The following GRK1 variants were observed in gnomAD, a reference collection of about 807,000 sequenced individuals.
GRK1 encodes G protein-coupled receptor kinase 1.
Under a neutral mutation model 41.7 loss-of-function variants are expected in GRK1, and 28 were observed. That is an observed-to-expected ratio of 0.67 (90% CI 0.50 to 0.92). GRK1 has a LOEUF of 0.92. Among genes scored for constraint, GRK1 ranks in the 40% least tolerant of loss-of-function variants. The probability of loss-of-function intolerance (pLI) is 0.00; values close to 1 mark genes in which losing one functional copy is unlikely to be tolerated. For synonymous variants in GRK1, 327 were observed against 286.7 expected, an observed-to-expected ratio of 1.14 and a Z score of -1.42; for missense variants, 703 against 671.2, an observed-to-expected ratio of 1.05 and a Z score of -0.52.
chr13:113,733,994 A>ATG (rs1314250137), intron 6 of GRK1, among the ~76,000 whole-genome samples: 1 of 81,000 alleles, frequency 1.2e-5, no homozygotes, highest in Non-Finnish European at 2.4e-5. Flanking sequence ...GTGTGCATAC[A>ATG]TGTGTGTGCG....
In GRK1 at chr13:113,669,690, G is replaced by T. The variant is rs1353524885; in HGVS notation, c.703G>T (p.Ala235Ser). Residue 235 changes from alanine to serine, a missense_variant, in exon 2 of 7, where the codon GCT becomes TCT. Ala to Ser is a moderately conservative substitution (Grantham distance 99, BLOSUM62 1). Coordinates refer to ENST00000335678, the MANE Select transcript of GRK1 (RefSeq NM_002929.3). ...RLKKRKGYQG[A>S]MVEKKILMKV... ...TACTCAGCGTCTCACTTTTCAGGGT[G>T]CTATGGTGGAGAAGAAGATTCTGAT... The T allele has an allele frequency of 6.2e-7, 1 of 1,614,002 alleles. No individual in the cohort carries two copies. The highest frequency in any genetic ancestry group is 1.7e-5 in the Admixed American group (1 of 60,034).
the GRK1 span, among the ~76,000 whole-genome samples, chr13:113,654,647 G>A: frequency 1.3e-5 from 2 of 152,256 alleles, no homozygotes; most frequent in Non-Finnish European, 2.9e-5. Context: ...GCCAGGGGCT[G>A]CCCTCGGGGG....
At chr13:113,654,823 G>A in the GRK1 span, 68 of 1,613,792 alleles carry the variant, frequency 4.2e-5, no homozygotes, top group Admixed American at 1.8e-4. Flanking sequence ...CCTGGTGACC[G>A]TAGCTGGTCT....
chr13:113,733,270 GGA>G (rs2049951059), intron 6 of GRK1, among the ~76,000 whole-genome samples, 185 bp downstream of exon 6: 2 of 152,242 alleles, frequency 1.3e-5, no homozygotes, highest in East Asian at 3.8e-4. Context: ...ACAAGCCGAT[GGA>G]GCCGGCATCG....
chr13:113,733,897 GTATGTGTGCATACAGTGTGCGTGTGTGCA>G (rs2049973848), intron 6 of GRK1, among the ~76,000 whole-genome samples: 2 of 115,552 alleles, frequency 1.7e-5, no homozygotes, highest in Middle Eastern at 6.0e-3. Flanking sequence ...GTGCGTGTGT[GTATGTGTGCATACAGTGTGCGTGTGTGCA>G]TGTGTGCATA....
chr13:113,668,644 T>C lies in GRK1; in HGVS notation c.699+559T>C, dbSNP rs991165902. ...GGCACGCAGGCCGCTCTAAGTTTCATCCGCTCTGCCCACTGGCGTCAGACT... is the reference window on the plus strand; with the variant it reads ...GGCACGCAGGCCGCTCTAAGTTTCACCCGCTCTGCCCACTGGCGTCAGACT... On this transcript the variant is annotated intron_variant, in intron 1 of 6. Coordinates refer to ENST00000335678, the MANE Select transcript of GRK1 (RefSeq NM_002929.3). 1.3e-5 allele frequency among the ~76,000 whole-genome samples: 2 copies of C among 152,196 alleles called. 1 individual carries two copies.
chr13:113,671,758 T>C lies in GRK1; in HGVS notation c.985+102T>C. 1.5e-6 allele frequency: 1 copy of C among 686,488 alleles called. No homozygotes were observed. The highest frequency in any genetic ancestry group is 2.7e-6 in the Non-Finnish European group (1 of 375,746). 42.5% of individuals were successfully genotyped at this position (686,488 alleles called of 1,614,324 possible). A position where few individuals can be genotyped will look rare whatever the true frequency, so the allele number is the denominator to read the frequency against. The stretch of plus-strand genomic sequence containing the variant: ...AACCTCACGAGGGCTGACGGCTGTG[T>C]GGACGGTGGGGGTTCATGAGGGCTG... On this transcript the variant is annotated intron_variant, in intron 3 of 6. Transcript: ENST00000335678. This position sits in a 1 kb window ranked among gnomAD's most constrained non-coding sequence, Gnocchi z 4.1.
Position 113,734,833 on chromosome 13 carries a change from G to A in GRK1, c.1397-235G>A, listed in dbSNP as rs1594583652. The A allele has an allele frequency of 2.2e-5, 9 of 407,664 alleles. No individual in the cohort carries two copies. The East Asian group carries it at 3.3e-4, about 15-fold the overall frequency. 25.3% of individuals were successfully genotyped at this position (407,664 alleles called of 1,614,324 possible). ...ACAAGAAGGCTCCAAAATGAGCCCT[G>A]GGATCTCAGGCTTCTTCCGGCCCCA... is the stretch of plus-strand genomic sequence containing the variant. On this transcript the variant is annotated intron_variant, in intron 6 of 6. Transcript: ENST00000335678.
rs1260414511 is a variant in GRK1, at chr13:113,733,683, G to A, written c.1396+598G>A. Among the ~76,000 whole-genome samples the A allele has an allele frequency of 8.5e-5, 12 of 141,814 alleles. 1 individual carries two copies. Among genetic ancestry groups the A allele is most frequent in the South Asian group, 2.3e-4 (1 of 4,386 alleles). The allele number at this position is 141,814 out of a possible 152,430, so 93.0% of individuals were successfully genotyped here. Reference sequence around the variant, plus strand: ...TGTGCGTGTGTGCACGTGTGTGCATGTATGTGTGCATACATGTGTGCGTGT... The same window carrying A: ...TGTGCGTGTGTGCACGTGTGTGCATATATGTGTGCATACATGTGTGCGTGT... On this transcript the variant is annotated intron_variant, in intron 6 of 6. Coordinates refer to ENST00000335678, the MANE Select transcript of GRK1 (RefSeq NM_002929.3).
the GRK1 span, chr13:113,654,748 T>C: frequency 8.5e-5 from 133 of 1,565,794 alleles, no homozygotes; most frequent in Non-Finnish European, 9.3e-5. Flanking sequence ...CCCGGGCGTC[T>C]CCAGAGCCGA....
chr13:113,733,121 G>T (rs1178098285), intron 6 of GRK1, 36 bp downstream of exon 6: 12 of 1,515,674 alleles, frequency 7.9e-6, no homozygotes, highest in South Asian at 1.2e-5. Flanking sequence ...AGAGGGTGGG[G>T]TTCTGTGCTG....
At chr13:113,651,973 A>C in the GRK1 span, among the ~76,000 whole-genome samples, 2 of 151,866 alleles carry the variant, frequency 1.3e-5, no homozygotes, top group Non-Finnish European at 2.9e-5. Flanking sequence ...CCCAGGCTTC[A>C]GGAGGCGGCT....
rs1203369450 is a variant in GRK1 at position 113,735,627 on chromosome 13, T to A, written c.*264T>A. ...ATCTCACTGAGAAGACATAAGATGCTCTCCAGAGGGAGTAAGCCAAAAATC... is the reference window on the plus strand; with the variant it reads ...ATCTCACTGAGAAGACATAAGATGCACTCCAGAGGGAGTAAGCCAAAAATC... On this transcript the variant is annotated 3_prime_UTR_variant, in exon 7 of 7. Transcript: ENST00000335678. The A allele has an allele frequency of 7.8e-6, 3 of 385,630 alleles. No homozygotes were observed. In the East Asian group the frequency reaches 1.2e-4, roughly 15 times the overall value. 23.9% of individuals were successfully genotyped at this position (385,630 alleles called of 1,614,324 possible).
the GRK1 span, chr13:113,652,771 G>T: frequency 2.2e-6 from 3 of 1,393,770 alleles, no homozygotes; most frequent in Non-Finnish European, 2.0e-6. Flanking sequence ...TCCCGCTTGG[G>T]CAAGCCCCAG....
At chr13:113,728,930 G>A (rs571328733) in intron 4 of GRK1, among the ~76,000 whole-genome samples, 1 of 152,252 alleles carries the variant, frequency 6.6e-6, no homozygotes, top group East Asian at 1.9e-4. Flanking sequence ...GGTGGGAGGA[G>A]AGGAGAGGAC....
At chr13:113,658,169 T>C in the GRK1 span, 1 of 1,598,292 alleles carries the variant, frequency 6.3e-7, no homozygotes, top group East Asian at 2.3e-5. Context: ...GATCCTCCCG[T>C]CTGCTCCCTG....
chr13:113,727,487 G>C (rs1335075810), intron 4 of GRK1, among the ~76,000 whole-genome samples: 1 of 152,066 alleles, frequency 6.6e-6, no homozygotes, highest in Non-Finnish European at 1.5e-5. Context: ...GGACTGTGGG[G>C]TGTGGGCTGT....
chr13:113,660,211 A>G, the GRK1 span, among the ~76,000 whole-genome samples: 4 of 152,282 alleles, frequency 2.6e-5, 1 homozygote, highest in South Asian at 8.3e-4. Flanking sequence ...TCTGGCAGCC[A>G]CCGGTCACCC....
Position 113,728,514 on chromosome 13 carries a change from C to T in GRK1, c.1070-2705C>T, listed in dbSNP as rs577662997. On this transcript the variant is annotated intron_variant, in intron 4 of 6. Coordinates refer to ENST00000335678, the MANE Select transcript of GRK1 (RefSeq NM_002929.3). ...TGAGGAGTACCCATGGTGATGAGTA[C>T]CCATGGCCAGCTCATGGCGTATAGT... 2.6e-5 allele frequency among the ~76,000 whole-genome samples: 4 copies of T among 152,116 alleles called. No homozygotes were observed. The South Asian group carries it at 8.3e-4, about 32-fold the overall frequency.
Sources: gnomAD v4.1 joint callset for allele counts (sites outside exome capture counted in the v4.1 genomes callset) on GRCh38, gnomAD v4.1.1 for gene constraint, Gnocchi (gnomAD v3.1) non-coding constraint, MANE v1.5 for transcripts, NCBI Gene and HGNC (gene_info 2026-07-23, HGNC 2026-07-21) for gene names.